The following ANKRD1 variants were observed in gnomAD, a reference collection of about 807,000 sequenced individuals.
ANKRD1 encodes ankyrin repeat domain-containing protein 1.
A neutral mutation model predicts 40.1 loss-of-function variants in ANKRD1; 32 were observed. The ratio of observed to expected loss-of-function variants is 0.80; its 90% confidence interval spans 0.60 to 1.07. The LOEUF is 1.07. ANKRD1 is among the 50% of genes least tolerant of loss of function. The pLI is 0.00. For synonymous variants in ANKRD1, 149 were observed against 141.2 expected (o/e 1.06, Z -0.39); for missense variants, 359 against 386.0 (o/e 0.93, Z 0.59).
rs1431425358 is a variant in ANKRD1 at position 90,920,319 on chromosome 10, C to G, written c.57G>C (p.Glu19Asp). The change falls in exon 2 of 9, where the codon GAG becomes GAC. Residue 19 changes from glutamate (E) to aspartate (D), a missense_variant. Glu to Asp is a conservative substitution (Grantham distance 45). Coordinates refer to ENST00000371697, the MANE Select transcript of ANKRD1 (RefSeq NM_014391.3). ...LVTGKKNGNG[E>D]AGEFLPEDFR... ...AATCCTCAGGAAGGAATTCCCCTGC[C>G]TCCCCATTGCCATTCTTCTTTCCAG... The G allele has an allele frequency of 3.7e-6, 6 of 1,614,054 alleles. No homozygotes were observed. The highest frequency in any genetic ancestry group is 5.1e-6 in the Non-Finnish European group (6 of 1,180,026).
chr10:90,917,680 T>G (rs1335548332), intron 5 of ANKRD1, 52 bp downstream of exon 5: 1 of 1,520,518 alleles, frequency 6.6e-7, no homozygotes, highest in Admixed American at 1.7e-5. Flanking sequence ...TTTCCGGAGC[T>G]TCATATAGTC....
Position 90,912,935 on chromosome 10 carries a change from A to G in ANKRD1, c.891T>C (p.Asn297=). The change falls in exon 9 of 9, where the codon AAT becomes AAC. Residue 297 remains asparagine (N), a synonymous_variant. Coordinates refer to ENST00000371697, the MANE Select transcript of ANKRD1 (RefSeq NM_014391.3). ...TPMDLVLHWQ[N]GTKAIFDSLR... ...GGCTGTCGAATATTGCTTTGGTTCC[A>G]TTCTGCCAGTGTAGCACCAGATCCA... The G allele has an allele frequency of 6.2e-7, 1 of 1,614,116 alleles. No homozygotes were observed. Among genetic ancestry groups the G allele is most frequent in the Non-Finnish European group, 8.5e-7 (1 of 1,179,954 alleles).
intron 5 of ANKRD1, among the ~76,000 whole-genome samples, chr10:90,917,445 G>T (rs189364107): frequency 2.0e-4 from 30 of 152,312 alleles, no homozygotes; most frequent in Admixed American, 1.4e-3. Flanking sequence ...AAAGGCAAGT[G>T]TCGAAAATGA....
chr10:90,917,661 A>G (rs1006119392), intron 5 of ANKRD1, 71 bp downstream of exon 5: 6 of 1,341,448 alleles, frequency 4.5e-6, no homozygotes, highest in Non-Finnish European at 6.4e-6. Flanking sequence ...TCGGTTTTGC[A>G]TTGGAGGTTT....
At position 90,912,908 on chromosome 10, in the gene ANKRD1, G is replaced by C. The variant is rs761447714; in HGVS notation, c.918C>G (p.Leu306=). ...GAGAGGTCTTGTAGGAGTTCTCTCT[G>C]AGGCTGTCGAATATTGCTTTGGTTC... ...QNGTKAIFDS[L]RENSYKTSRI... The change falls in exon 9 of 9, where the codon CTC becomes CTG. Residue 306 remains leucine, a synonymous_variant. Coordinates refer to ENST00000371697, the MANE Select transcript of ANKRD1 (RefSeq NM_014391.3). 6.2e-7 allele frequency: 1 copy of C among 1,613,976 alleles called. No homozygotes were observed. The highest frequency in any genetic ancestry group is 1.3e-5 in the African/African-American group (1 of 74,924).
intron 4 of ANKRD1, among the ~76,000 whole-genome samples, chr10:90,918,626 T>C (rs1249729994): frequency 6.6e-6 from 1 of 152,032 alleles, no homozygotes; most frequent in Non-Finnish European, 1.5e-5. Context: ...AAAGAAAAAC[T>C]GAAAAATCAG....
At chr10:90,913,120 A>T in intron 8 of ANKRD1, 144 bp from the exon 9 acceptor site, 1 of 810,648 alleles carries the variant, frequency 1.2e-6, no homozygotes, top group Non-Finnish European at 2.1e-6. Context: ...TCTGCAGTTT[A>T]TACTCAAACC....
Position 90,913,059 on chromosome 10 carries a change from A to G in ANKRD1, c.850-83T>C, listed in dbSNP as rs189379353. 27 of 1,243,298 alleles carry G rather than the reference A, an allele frequency of 2.2e-5. No homozygotes were observed. The African/African-American group carries it at 3.4e-4, about 16-fold the overall frequency. The allele number at this position is 1,243,298 out of a possible 1,614,324, so 77.0% of individuals were successfully genotyped here. A position where few individuals can be genotyped will look rare whatever the true frequency, so the allele number is the denominator to read the frequency against. On this transcript the variant is annotated intron_variant, in intron 8 of 8. Transcript: ENST00000371697. ...ATTCTCTGTGTGTGTTTCATGAGGT[A>G]AGGATTAGGTATATGTTATAACAGT...
Position 90,912,923 on chromosome 10 carries a change from T to G in ANKRD1, c.903A>C (p.Ala301=). Residue 301 remains alanine (A), a synonymous_variant, in exon 9 of 9, where the codon GCA becomes GCC. Coordinates refer to ENST00000371697, the MANE Select transcript of ANKRD1 (RefSeq NM_014391.3). ...AGTTCTCTCTGAGGCTGTCGAATAT[T>G]GCTTTGGTTCCATTCTGCCAGTGTA... ...LVLHWQNGTK[A]IFDSLRENSY... 6.2e-7 allele frequency: 1 copy of G among 1,614,124 alleles called. No homozygotes were observed. Among genetic ancestry groups the G allele is most frequent in the Non-Finnish European group, 8.5e-7 (1 of 1,179,954 alleles).
intron 2 of ANKRD1, 99 bp from the exon 3 acceptor site, chr10:90,919,367 G>C: frequency 1.9e-6 from 2 of 1,055,078 alleles, no homozygotes; most frequent in South Asian, 1.5e-5. Context: ...ATAAACATGT[G>C]AACAGTTTGA....
intron 5 of ANKRD1, 74 bp from the exon 6 acceptor site, chr10:90,916,343 A>G: frequency 1.8e-6 from 2 of 1,086,978 alleles, no homozygotes; most frequent in South Asian, 2.5e-5. Context: ...TTGCTAGGGC[A>G]TCCGTGAAAA....
At chr10:90,918,733 G>A (rs960052657) in intron 4 of ANKRD1, 132 bp downstream of exon 4, 12 of 755,240 alleles carry the variant, frequency 1.6e-5, no homozygotes, top group East Asian at 2.8e-5. Context: ...TAGGCTCCTG[G>A]CATACACAGC....
chr10:90,920,432 G>T (rs567255308), intron 1 of ANKRD1, 84 bp from the exon 2 acceptor site: 1 of 1,524,712 alleles, frequency 6.6e-7, no homozygotes, highest in South Asian at 1.1e-5. Context: ...GGAGGCTCTT[G>T]GTCCTTCTCC....
rs372030578 is a variant in ANKRD1 at position 90,920,243 on chromosome 10, G to C, written c.133C>G (p.Leu45Val). ...AAVTLEKQED[L>V]KTLLAHPVTL... ...ACAGGGTGGGCTAGAAGTGTCTTCA[G>C]ATCCTCCTGCTTCTCTAAAGTAACA... The change falls in exon 2 of 9, where the codon CTG becomes GTG. Residue 45 changes from leucine (L) to valine (V), a missense_variant. Coordinates refer to ENST00000371697, the MANE Select transcript of ANKRD1 (RefSeq NM_014391.3). 3.0e-5 allele frequency: 49 copies of C among 1,614,074 alleles called. No homozygotes were observed. The highest frequency in any genetic ancestry group is 2.8e-4 in the Admixed American group (17 of 60,012).
rs1245541899 is a variant in ANKRD1 at position 90,916,201 on chromosome 10, A to T, written c.621T>A (p.Asn207Lys). 2.5e-6 allele frequency: 4 copies of T among 1,614,060 alleles called. No homozygotes were observed. In the Admixed American group the frequency reaches 6.7e-5, roughly 27 times the overall value. The change falls in exon 6 of 9, where the codon AAT becomes AAA. Residue 207 changes from asparagine (N) to lysine (K), a missense_variant. By Grantham distance (94) the Asn-to-Lys change is moderately conservative. Coordinates refer to ENST00000371697, the MANE Select transcript of ANKRD1 (RefSeq NM_014391.3). ...GNLDVLKLLL[N>K]KGAKISARDK... Reference sequence around the variant, plus strand: ...CTCGGGCGCTAATTTTTGCTCCTTTATTCAGCAACAATTTTAAAACATCCA... The same window carrying T: ...CTCGGGCGCTAATTTTTGCTCCTTTTTTCAGCAACAATTTTAAAACATCCA...
In ANKRD1 at chr10:90,921,013, T is replaced by C. The variant is rs746973988; in HGVS notation, c.15A>G (p.Lys5=). 1.1e-5 allele frequency: 17 copies of C among 1,614,040 alleles called. No homozygotes were observed. Among genetic ancestry groups the C allele is most frequent in the Non-Finnish European group, 1.3e-5 (15 of 1,179,884 alleles). MMVL[K]VEELVTGKKN... The stretch of plus-strand genomic sequence containing the variant: ...GCATCTTACATACCAGTTCCTCTAC[T>C]TTCAGTACCATCATGTTGGCTGAAG... The change falls in exon 1 of 9, where the codon AAA becomes AAG. Residue 5 remains lysine (K), a synonymous_variant. Transcript: ENST00000371697.
At position 90,916,182 on chromosome 10, in the gene ANKRD1, C is replaced by T. The variant is rs758588912; in HGVS notation, c.640G>A (p.Ala214Thr). ...LLLNKGAKIS[A>T]RDKLLSTALH... ...AGAAGAAGGAATACCTTATCTCGGGCGCTAATTTTTGCTCCTTTATTCAGC... is the reference window on the plus strand; with the variant it reads ...AGAAGAAGGAATACCTTATCTCGGGTGCTAATTTTTGCTCCTTTATTCAGC... Residue 214 changes from alanine (A) to threonine (T), a missense_variant, in exon 6 of 9, where the codon GCC becomes ACC. Coordinates refer to ENST00000371697, the MANE Select transcript of ANKRD1 (RefSeq NM_014391.3). 16 of 1,613,012 alleles carry T rather than the reference C, an allele frequency of 9.9e-6. No individual in the cohort carries two copies. In the South Asian group the frequency reaches 1.5e-4, roughly 16 times the overall value.
At position 90,912,291 on chromosome 10, in the gene ANKRD1, TAAAAAAA is replaced by T. The variant is rs71025330; in HGVS notation, c.*568_*574del. Reference sequence around the variant, plus strand: ...TCACTTGGGTACTCTGTGTACTCGGTAAAAAAAAAAAAAAAAAAAAAAAAAAAAAATC... The same window carrying T: ...TCACTTGGGTACTCTGTGTACTCGGTAAAAAAAAAAAAAAAAAAAAAAATC... On this transcript the variant is annotated 3_prime_UTR_variant, in exon 9 of 9. Coordinates refer to ENST00000371697, the MANE Select transcript of ANKRD1 (RefSeq NM_014391.3). 17,152 of 70,612 alleles carry T rather than the reference TAAAAAAA, an allele frequency of 0.24. 1,790 individuals carry two copies. The highest frequency in any genetic ancestry group is 0.39 in the South Asian group (631 of 1,626). 4.4% of individuals were successfully genotyped at this position (70,612 alleles called of 1,614,324 possible).
chr10:90,916,287 A>T lies in ANKRD1; in HGVS notation c.553-18T>A. The T allele has an allele frequency of 6.3e-7, 1 of 1,584,960 alleles. No individual in the cohort carries two copies. Among genetic ancestry groups the T allele is most frequent in the South Asian group, 1.1e-5 (1 of 90,476 alleles). On this transcript the variant is annotated intron_variant, in intron 5 of 8. Coordinates refer to ENST00000371697, the MANE Select transcript of ANKRD1 (RefSeq NM_014391.3). Reference sequence around the variant, plus strand: ...GATTCAAGCTATACCGGGAGGGAAGACCCGACAATGTGAAGGAGAATGTGG... The same window carrying T: ...GATTCAAGCTATACCGGGAGGGAAGTCCCGACAATGTGAAGGAGAATGTGG...
Sources: gnomAD v4.1 joint callset for allele counts (sites outside exome capture counted in the v4.1 genomes callset) on GRCh38, gnomAD v4.1.1 for gene constraint, MANE v1.5 for transcripts, NCBI Gene and HGNC (gene_info 2026-07-23, HGNC 2026-07-21) for gene names.